Variants in NEBL observed in about 807,000 individuals in gnomAD.
NEBL encodes LIM and SH3 protein 2.
In NEBL, 122 loss-of-function variants were observed where a neutral mutation model predicts 140.2. The ratio of observed to expected loss-of-function variants is 0.87; its 90% CI spans 0.75 to 1.01. The LOEUF is 1.01. NEBL is among the 50% of genes least tolerant of loss of function. The pLI, the probability that NEBL is intolerant of heterozygous loss-of-function variation, is 0.00. For synonymous variants in NEBL, 436 were observed against 398.9 expected (o/e 1.09, Z -1.11); for missense variants, 1,365 against 1,231.3 (o/e 1.11, Z -1.62).
At chr10:21,070,122 A>G (rs929091547) in intron 2 of NEBL, 4 of 384,070 alleles carry the variant, frequency 1.0e-5, no homozygotes, top group Non-Finnish European at 2.1e-5. Flanking sequence ...ACTTTTCGGG[A>G]GGCAAAATAG....
At chr10:20,917,351 C>A (rs1833352703) in intron 4 of NEBL, among the ~76,000 whole-genome samples, 1 of 152,190 alleles carries the variant, frequency 6.6e-6, no homozygotes, top group Admixed American at 6.5e-5. Flanking sequence ...TGAACTATTT[C>A]TCGAGGGGCA....
chr10:21,253,697 C>A (rs1329376781), intron 1 of NEBL, among the ~76,000 whole-genome samples: 1 of 151,978 alleles, frequency 6.6e-6, no homozygotes, highest in African/African-American at 2.4e-5. Context: ...GTGCCTGCTA[C>A]CATGCCTGGC....
intron 14 of NEBL, among the ~76,000 whole-genome samples, chr10:20,832,049 C>A (rs1286455957): frequency 1.3e-5 from 2 of 152,134 alleles, no homozygotes; most frequent in African/African-American, 4.8e-5. Flanking sequence ...CCTAAACCAT[C>A]CAGCTTCGGT....
intron 2 of NEBL, among the ~76,000 whole-genome samples, chr10:21,134,858 C>T (rs182252305): frequency 2.0e-5 from 3 of 152,344 alleles, no homozygotes; most frequent in Middle Eastern, 3.4e-3. Context: ...CGCTACTCTG[C>T]AATGCTGCCG....
At chr10:20,927,739 G>A (rs946119802) in intron 4 of NEBL, among the ~76,000 whole-genome samples, 2 of 152,178 alleles carry the variant, frequency 1.3e-5, no homozygotes, top group Admixed American at 6.5e-5. Flanking sequence ...CAGCCAGACA[G>A]CCAGGGTTCA....
chr10:21,187,361 G>C (rs1312180921), intron 3 of NEBL, among the ~76,000 whole-genome samples: 1 of 151,974 alleles, frequency 6.6e-6, no homozygotes, highest in Non-Finnish European at 1.5e-5. Context: ...AGTTTTTTGG[G>C]GGAAGCCTGA....
intron 3 of NEBL, among the ~76,000 whole-genome samples, chr10:21,186,577 G>C (rs1311840348): frequency 1.3e-5 from 2 of 151,774 alleles, no homozygotes; most frequent in African/African-American, 4.8e-5. Flanking sequence ...TGGCCTACAT[G>C]TCACATGCAG....
chr10:21,158,128 G>A (rs1840406336), intron 2 of NEBL, among the ~76,000 whole-genome samples: 1 of 152,182 alleles, frequency 6.6e-6, no homozygotes, highest in African/African-American at 2.4e-5. Flanking sequence ...AGCAAACTAT[G>A]ACAGAACCTA....
At chr10:20,876,992 T>G (rs944967625) in intron 5 of NEBL, among the ~76,000 whole-genome samples, 7 of 152,220 alleles carry the variant, frequency 4.6e-5, no homozygotes, top group African/African-American at 1.7e-4. Flanking sequence ...TCAGGAAACT[T>G]TTGGATATGC....
At position 21,173,726 on chromosome 10, in the gene NEBL, C is replaced by T. The variant is rs200196192; in HGVS notation, c.69+39G>A. 40 of 1,611,398 alleles carry T rather than the reference C, an allele frequency of 2.5e-5. No homozygotes were observed. The highest frequency in any genetic ancestry group is 3.2e-5 in the Non-Finnish European group (38 of 1,179,716). On this transcript the variant is annotated intron_variant, in intron 1 of 6. Coordinates refer to the NEBL transcript ENST00000417816. This position sits in a 1 kb window ranked among gnomAD's most constrained non-coding sequence, Gnocchi z 5.7. Reference sequence around the variant, plus strand: ...TTCTCGAAGCAGGTGCAGCCCCTCGCCCGGCAGGTCCAGGCTGGCCCGGCG... The same window carrying T: ...TTCTCGAAGCAGGTGCAGCCCCTCGTCCGGCAGGTCCAGGCTGGCCCGGCG...
chr10:21,238,635 G>A (rs1455047643), intron 3 of NEBL, among the ~76,000 whole-genome samples: 1 of 150,992 alleles, frequency 6.6e-6, no homozygotes, highest in Non-Finnish European at 1.5e-5. Flanking sequence ...ACTTGAACCT[G>A]GGAGGCGGAG....
At chr10:21,061,254 T>A (rs1835266655) in intron 2 of NEBL, among the ~76,000 whole-genome samples, 1 of 147,650 alleles carries the variant, frequency 6.8e-6, no homozygotes, top group East Asian at 1.9e-4. Flanking sequence ...TTACATATTA[T>A]GTGATATGTA....
At chr10:21,126,251 A>G in intron 2 of NEBL, 6 of 849,062 alleles carry the variant, frequency 7.1e-6, no homozygotes, top group Admixed American at 2.7e-5. Flanking sequence ...CCATCTTCAA[A>G]ATCAGGGACT....
At chr10:20,863,771 C>A (rs1290164155) in intron 7 of NEBL, among the ~76,000 whole-genome samples, 1 of 152,012 alleles carries the variant, frequency 6.6e-6, no homozygotes, top group Non-Finnish European at 1.5e-5. Flanking sequence ...AAATGGATTT[C>A]GAAAACACAC....
At chr10:20,924,412 G>GTAAAAAA (rs1833764865) in intron 4 of NEBL, among the ~76,000 whole-genome samples, 1 of 20,528 alleles carries the variant, frequency 4.9e-5, no homozygotes, top group Non-Finnish European at 9.6e-5. Context: ...CAGGCATGAA[G>GTAAAAAA]TAAAAAAAAA....
At chr10:20,789,225 CATTA>C (rs1835704261) in intron 26 of NEBL, among the ~76,000 whole-genome samples, 3 of 152,218 alleles carry the variant, frequency 2.0e-5, no homozygotes, top group African/African-American at 7.2e-5. Context: ...CTCATGGCTT[CATTA>C]ATTACTACTT....
intron 2 of NEBL, among the ~76,000 whole-genome samples, chr10:21,127,517 A>T (rs1838895800): frequency 6.6e-6 from 1 of 152,050 alleles, no homozygotes; most frequent in African/African-American, 2.4e-5. Context: ...TCCCAATGAG[A>T]TATACTGGAA....
chr10:21,036,794 C>G (rs1381727992), intron 2 of NEBL, among the ~76,000 whole-genome samples: 5 of 152,022 alleles, frequency 3.3e-5, no homozygotes, highest in Non-Finnish European at 7.4e-5. Flanking sequence ...ATGGACATAC[C>G]CTGTCTTGAG....
At chr10:20,922,407 T>G (rs535373864) in intron 4 of NEBL, among the ~76,000 whole-genome samples, 2 of 152,284 alleles carry the variant, frequency 1.3e-5, no homozygotes, top group Non-Finnish European at 2.9e-5. Flanking sequence ...ACAGTGATAC[T>G]CCAATAAATT....
Sources: gnomAD v4.1 joint callset for allele counts (sites outside exome capture counted in the v4.1 genomes callset) on GRCh38, gnomAD v4.1.1 for gene constraint, Gnocchi (gnomAD v3.1) non-coding constraint, MANE v1.5 for transcripts, NCBI Gene and HGNC (gene_info 2026-07-23, HGNC 2026-07-21) for gene names.